QTMAN: variants seen among roughly 807,000 people sequenced by gnomAD.
The protein encoded by QTMAN is queuosine-tRNA mannosyltransferase.
chr2:144,234,412 A>G, the QTMAN span, among the ~76,000 whole-genome samples: 1 of 152,164 alleles, frequency 6.6e-6, no homozygotes, highest in Non-Finnish European at 1.5e-5. Context: ...AATGCACAAG[A>G]TAAGTAAAGG....
chr2:144,167,911 T>C, the QTMAN span, among the ~76,000 whole-genome samples: 15 of 152,288 alleles, frequency 9.8e-5, no homozygotes, highest in East Asian at 2.9e-3. Flanking sequence ...AAAGTTTGTC[T>C]TTTCTCTTAC....
At chr2:144,044,231 A>G in the QTMAN span, among the ~76,000 whole-genome samples, 1 of 152,188 alleles carries the variant, frequency 6.6e-6, no homozygotes, top group Non-Finnish European at 1.5e-5. Context: ...AATTTTTACC[A>G]TGCTTAAAAA....
At chr2:144,087,727 G>A in the QTMAN span, among the ~76,000 whole-genome samples, 2 of 151,968 alleles carry the variant, frequency 1.3e-5, no homozygotes, top group African/African-American at 4.8e-5. Flanking sequence ...AGACGCAGAA[G>A]ATACATTTAA....
chr2:144,040,932 C>A, the QTMAN span, among the ~76,000 whole-genome samples: 1 of 152,100 alleles, frequency 6.6e-6, no homozygotes, highest in Non-Finnish European at 1.5e-5. Flanking sequence ...AACTTCTCTT[C>A]CAGAGTGTAC....
At chr2:144,315,272 A>G in the QTMAN span, among the ~76,000 whole-genome samples, 1 of 152,216 alleles carries the variant, frequency 6.6e-6, no homozygotes. Flanking sequence ...TCTTGCCCAA[A>G]AGCTGAAAAT....
At chr2:144,303,006 G>A in the QTMAN span, among the ~76,000 whole-genome samples, 1 of 152,190 alleles carries the variant, frequency 6.6e-6, no homozygotes, top group African/African-American at 2.4e-5. Flanking sequence ...GGAGGCTGAG[G>A]AAGGAGAATT....
chr2:144,182,852 T>A, the QTMAN span, among the ~76,000 whole-genome samples: 29 of 60,186 alleles, frequency 4.8e-4, 1 homozygote, highest in African/African-American at 1.5e-3. Context: ...ATATATATAT[T>A]TTATATATAA....
chr2:143,971,909 T>G, the QTMAN span, among the ~76,000 whole-genome samples: 3 of 152,176 alleles, frequency 2.0e-5, no homozygotes, highest in African/African-American at 7.2e-5. Context: ...GTCAATATTT[T>G]CAGTATCATG....
the QTMAN span, among the ~76,000 whole-genome samples, chr2:144,245,418 T>A: frequency 6.6e-6 from 1 of 152,218 alleles, no homozygotes; most frequent in Non-Finnish European, 1.5e-5. Flanking sequence ...TGTGGAAAAG[T>A]TCATTGTTTT....
At chr2:144,167,584 G>A in the QTMAN span, among the ~76,000 whole-genome samples, 2 of 152,088 alleles carry the variant, frequency 1.3e-5, no homozygotes, top group South Asian at 4.1e-4. Context: ...AAGGAGATCT[G>A]ATGGTTTTAT....
the QTMAN span, among the ~76,000 whole-genome samples, chr2:144,092,177 C>CT: frequency 2.5e-3 from 358 of 143,320 alleles, no homozygotes; most frequent in African/African-American, 2.9e-3. Context: ...AATTGTACAT[C>CT]TTTTTTTTTT....
the QTMAN span, among the ~76,000 whole-genome samples, chr2:144,175,399 T>A: frequency 7.2e-5 from 11 of 152,002 alleles, no homozygotes; most frequent in South Asian, 2.1e-4. Context: ...CCAAAAAAAA[T>A]TTTTTTACAT....
chr2:144,231,846 G>A, the QTMAN span, among the ~76,000 whole-genome samples: 3 of 32,780 alleles, frequency 9.2e-5, no homozygotes, highest in Non-Finnish European at 1.1e-4. Context: ...TGAAAGAGGT[G>A]TGTGTGTGTG....
the QTMAN span, among the ~76,000 whole-genome samples, chr2:143,994,221 T>C: frequency 1.3e-5 from 2 of 152,306 alleles, no homozygotes; most frequent in Non-Finnish European, 2.9e-5. Context: ...TGACTATATC[T>C]AGTACACAGT....
the QTMAN span, among the ~76,000 whole-genome samples, chr2:144,310,218 G>A: frequency 1.2e-3 from 178 of 152,208 alleles, no homozygotes; most frequent in African/African-American, 4.3e-3. Flanking sequence ...TACAGGCAGA[G>A]GGAACAGCAA....
the QTMAN span, among the ~76,000 whole-genome samples, chr2:144,146,969 G>C: frequency 9.9e-5 from 15 of 151,914 alleles, no homozygotes; most frequent in East Asian, 2.5e-3. Flanking sequence ...CACTTACATT[G>C]CAAGTGCTTT....
chr2:144,194,446 A>G, the QTMAN span, among the ~76,000 whole-genome samples: 1 of 152,192 alleles, frequency 6.6e-6, no homozygotes, highest in Non-Finnish European at 1.5e-5. Flanking sequence ...TAGGTACAAG[A>G]GAGAACATCA....
At chr2:144,187,277 C>T in the QTMAN span, among the ~76,000 whole-genome samples, 5 of 152,282 alleles carry the variant, frequency 3.3e-5, no homozygotes. Context: ...CTTCTGGTGA[C>T]ATAACATGGC....
the QTMAN span, among the ~76,000 whole-genome samples, chr2:143,979,177 C>A: frequency 1.3e-5 from 2 of 150,864 alleles, no homozygotes; most frequent in East Asian, 1.9e-4. Flanking sequence ...AAAAACAAAA[C>A]CCTCACTGGA....
Sources: gnomAD v4.1 joint callset for allele counts (sites outside exome capture counted in the v4.1 genomes callset) on GRCh38, gnomAD v4.1.1 for gene constraint, MANE v1.5 for transcripts, NCBI Gene and HGNC (gene_info 2026-07-23, HGNC 2026-07-21) for gene names.